IRGM: variants seen among roughly 807,000 people sequenced by gnomAD.
The protein encoded by IRGM is immunity related GTPase M.
For synonymous variants in IRGM, 98 were observed against 80.6 expected, an observed-to-expected ratio of 1.22 and a Z score of -1.16; for missense variants, 288 against 219.9, an observed-to-expected ratio of 1.31 and a Z score of -1.96.
intron 3 of IRGM, chr5:150,897,931 T>C: frequency 9.2e-7 from 1 of 1,085,112 alleles, no homozygotes; most frequent in South Asian, 1.7e-5. Context: ...TCTGAAAGGC[T>C]TCACAATTAC....
At position 150,874,653 on chromosome 5, in the gene IRGM, C is replaced by G. The variant is rs144541543; in HGVS notation, c.159-3327C>G. The stretch of plus-strand genomic sequence containing the variant: ...TCCAGAACAGGAGAAGGCTCTGCAA[C>G]AGGTCCAGGCTGCTGTGCAAGCTTT... On this transcript the variant is annotated intron_variant and NMD_transcript_variant, in intron 1 of 3. Coordinates refer to the IRGM transcript ENST00000520549. 3.8e-3 allele frequency among the ~76,000 whole-genome samples: 573 copies of G among 152,326 alleles called. 7 individuals are homozygous for G. The highest frequency in any genetic ancestry group is 6.8e-3 in the Middle Eastern group (2 of 294).
Position 150,848,174 on chromosome 5 carries a change from G to C in IRGM, c.51G>C (p.Glu17Asp), listed in dbSNP as rs180802994. 3.6e-3 allele frequency: 5,610 copies of C among 1,551,640 alleles called. 77 individuals carry two copies. The highest frequency in any genetic ancestry group is 0.031 in the South Asian group (2,604 of 84,046). The change falls in exon 2 of 2, where the codon GAG (glutamate) becomes GAC (aspartate). Residue 17 changes from glutamate to aspartate, a missense_variant. Transcript: ENST00000522154. Reference protein sequence around the residue: ...EKASADGNLPEVISNIKETLK... With the variant: ...EKASADGNLPDVISNIKETLK... ...CCTCAGCAGATGGGAACTTGCCAGAGGTGATCTCTAACATCAAGGAGACTC... is the reference window on the plus strand; with the variant it reads ...CCTCAGCAGATGGGAACTTGCCAGACGTGATCTCTAACATCAAGGAGACTC...
At chr5:150,881,417 C>T (rs1754443190) in intron 3 of IRGM, among the ~76,000 whole-genome samples, 1 of 152,008 alleles carries the variant, frequency 6.6e-6, no homozygotes, top group Non-Finnish European at 1.5e-5. Flanking sequence ...AATGGCTTTC[C>T]CAGACAAACA....
At chr5:150,882,970 A>G (rs558382231) in intron 3 of IRGM, among the ~76,000 whole-genome samples, 1 of 152,150 alleles carries the variant, frequency 6.6e-6, no homozygotes, top group Non-Finnish European at 1.5e-5. Context: ...TGTGTTCACA[A>G]AACAAGAAAT....
chr5:150,848,026 C>T lies in IRGM; in HGVS notation c.-98C>T, dbSNP rs552962547. ...CGATGTTGGCCAGGATGGTCTCAAT[C>T]TCCTGACCTCGTGATCTGCTCGCCT... On this transcript the variant is annotated 5_prime_UTR_variant, in exon 2 of 2. Coordinates refer to ENST00000522154, the MANE Select transcript of IRGM (RefSeq NM_001145805.2). 5.4e-6 allele frequency: 5 copies of T among 929,058 alleles called. No homozygotes were observed. The African/African-American group carries it at 8.4e-5, about 16-fold the overall frequency. The allele number at this position is 929,058 out of a possible 1,614,324, so 57.6% of individuals were successfully genotyped here.
At chr5:150,879,898 G>A (rs1754420199) in intron 3 of IRGM, among the ~76,000 whole-genome samples, 2 of 152,108 alleles carry the variant, frequency 1.3e-5, no homozygotes, top group Admixed American at 1.3e-4. Context: ...GTAAGACTAA[G>A]GTGTGTCTTA....
chr5:150,895,374 G>T (rs1451572438), intron 3 of IRGM: 2 of 1,354,424 alleles, frequency 1.5e-6, no homozygotes, highest in Non-Finnish European at 2.0e-6. Context: ...TGGGTTTCTA[G>T]TAATTATTAA....
intron 1 of IRGM, among the ~76,000 whole-genome samples, chr5:150,865,031 T>C (rs975796839): frequency 6.6e-6 from 1 of 152,224 alleles, no homozygotes; most frequent in Non-Finnish European, 1.5e-5. Context: ...CTTTCTCTTC[T>C]TGCTGGTGAG....
rs553607579 is a variant in IRGM at position 150,878,172 on chromosome 5, T to A, written c.*78+58T>A. Reference sequence around the variant, plus strand: ...AGTTTAAAGTTTGGAAATAGTAAACTTTTTTTTTTGTTGTTGTTGTTGTTA... The same window carrying A: ...AGTTTAAAGTTTGGAAATAGTAAACATTTTTTTTTGTTGTTGTTGTTGTTA... On this transcript the variant is annotated intron_variant and NMD_transcript_variant, in intron 2 of 3. Transcript: ENST00000520549. 74 of 213,576 alleles carry A rather than the reference T, an allele frequency of 3.5e-4. No individual in the cohort carries two copies. In the East Asian group the frequency reaches 0.019, roughly 54 times the overall value. 13.2% of individuals were successfully genotyped at this position (213,576 alleles called of 1,614,324 possible). A position where few individuals can be genotyped will look rare whatever the true frequency, so the allele number is the denominator to read the frequency against.
At chr5:150,855,545 CTT>C (rs1281141375) in intron 1 of IRGM, among the ~76,000 whole-genome samples, 1 of 152,124 alleles carries the variant, frequency 6.6e-6, no homozygotes, top group Non-Finnish European at 1.5e-5. Flanking sequence ...AGAATGTAAA[CTT>C]ATCAAAAAAG....
intron 1 of IRGM, among the ~76,000 whole-genome samples, chr5:150,854,635 C>T (rs1483536769): frequency 1.3e-5 from 2 of 152,150 alleles, no homozygotes; most frequent in Non-Finnish European, 2.9e-5. Flanking sequence ...AATATATCAT[C>T]TCTGTGCCTT....
rs182842385 is a variant in IRGM, at chr5:150,888,532, A to C, written c.*140+8886A>C. Among the ~76,000 whole-genome samples, 294 of 152,170 alleles carry C rather than the reference A, an allele frequency of 1.9e-3. 1 individual carries two copies. Among genetic ancestry groups the C allele is most frequent in the Admixed American group, 6.4e-3 (97 of 15,248 alleles). On this transcript the variant is annotated intron_variant and NMD_transcript_variant, in intron 3 of 3. Coordinates refer to the IRGM transcript ENST00000520549. ...TTCTTCTCATTGCCACATGGTGCAC[A>C]CTCTAAAATTGGCCACATAATTTGA... is the stretch of plus-strand genomic sequence containing the variant.
intron 1 of IRGM, among the ~76,000 whole-genome samples, chr5:150,873,485 G>A (rs1754316867): frequency 1.3e-5 from 2 of 152,188 alleles, no homozygotes; most frequent in Admixed American, 6.5e-5. Flanking sequence ...TATGCACTGG[G>A]GAAAGGGAAA....
chr5:150,849,071 G>A (rs145980416), downstream of IRGM, among the ~76,000 whole-genome samples: 46 of 151,726 alleles, frequency 3.0e-4, no homozygotes, highest in Non-Finnish European at 4.7e-4. Flanking sequence ...AGTAATGGTC[G>A]GGAGGAGCCC....
At chr5:150,902,144 T>C (rs537810741), downstream of IRGM, among the ~76,000 whole-genome samples, 7 of 152,158 alleles carry the variant, frequency 4.6e-5, no homozygotes, top group Non-Finnish European at 1.0e-4. Flanking sequence ...TTATCTTTTA[T>C]ATAATTTTAA....
At chr5:150,885,159 C>T (rs1345660623) in intron 3 of IRGM, among the ~76,000 whole-genome samples, 1 of 152,052 alleles carries the variant, frequency 6.6e-6, no homozygotes, top group Non-Finnish European at 1.5e-5. Context: ...AACCCAGCAC[C>T]ATTTATTGAA....
intron 1 of IRGM, among the ~76,000 whole-genome samples, chr5:150,863,382 A>G (rs1754163033): frequency 6.6e-6 from 1 of 152,200 alleles, no homozygotes; most frequent in Admixed American, 6.5e-5. Flanking sequence ...AATTTTTGCA[A>G]GTTCAGTGGA....
intron 3 of IRGM, among the ~76,000 whole-genome samples, chr5:150,900,226 A>G (rs767973666): frequency 9.2e-5 from 14 of 152,098 alleles, no homozygotes; most frequent in Non-Finnish European, 1.3e-4. Context: ...CCTCCCTGAT[A>G]CTGTAAACAT....
chr5:150,846,944 A>T lies in IRGM; in HGVS notation c.-692A>T, dbSNP rs1753871637. On this transcript the variant is annotated 5_prime_UTR_variant, in exon 1 of 2. Transcript: ENST00000522154. ...ACCCACCAATTCCGGTAGGAGTAGGAAATCACATCACCTTCTTTTAATCAG... is the reference window on the plus strand; with the variant it reads ...ACCCACCAATTCCGGTAGGAGTAGGTAATCACATCACCTTCTTTTAATCAG... 6.5e-6 allele frequency: 1 copy of T among 152,872 alleles called. No individual in the cohort carries two copies. The highest frequency in any genetic ancestry group is 2.4e-5 in the African/African-American group (1 of 41,470). The allele number at this position is 152,872 out of a possible 1,614,324, so 9.5% of individuals were successfully genotyped here. A position where few individuals can be genotyped will look rare whatever the true frequency, so the allele number is the denominator to read the frequency against.
Sources: allele counts gnomAD v4.1 joint callset (sites outside exome capture counted in the v4.1 genomes callset), GRCh38; gene constraint gnomAD v4.1.1; transcripts MANE v1.5; gene names NCBI Gene and HGNC (gene_info 2026-07-23, HGNC 2026-07-21).